Variants in NRXN3 observed in about 807,000 individuals in gnomAD.
The protein encoded by NRXN3 is neurexin 3, also known as neurexin III.
NRXN3 carries 32 observed loss-of-function variants against 137.6 expected under a neutral mutation model. The ratio of observed to expected loss-of-function variants is 0.23; its 90% CI spans 0.18 to 0.31. The LOEUF (loss-of-function observed/expected upper bound fraction) is 0.31. Ranked by LOEUF, NRXN3 falls within the 10% of genes least tolerant of loss-of-function variation. The pLI is 1.00. For missense variants in NRXN3, 1,574 were observed against 2,062.5 expected (o/e 0.76, Z 4.59); for synonymous variants, 798 against 784.5 (o/e 1.02, Z -0.29).
Position 78,177,081 on chromosome 14 carries a change from C to A in NRXN3, c.-704+6407C>A, listed in dbSNP as rs141400382. Among the ~76,000 whole-genome samples, 504 of 152,258 alleles carry A rather than the reference C, an allele frequency of 3.3e-3. 3 individuals carry two copies. The highest frequency in any genetic ancestry group is 0.012 in the African/African-American group (479 of 41,534). On this transcript the variant is annotated intron_variant, in intron 1 of 20. Coordinates refer to ENST00000335750, the MANE Select transcript of NRXN3 (RefSeq NM_001330195.2). ...CATATAGCCCTGCCCGTCAAGGGTACTTTCAGGTCCAGCAGAGGCTCCATT... is the reference window on the plus strand; with the variant it reads ...CATATAGCCCTGCCCGTCAAGGGTAATTTCAGGTCCAGCAGAGGCTCCATT...
At position 78,178,985 on chromosome 14, in the gene NRXN3, T is replaced by C. The variant is rs566455377; in HGVS notation, c.-704+8311T>C. On this transcript the variant is annotated intron_variant, in intron 1 of 20. Coordinates refer to ENST00000335750, the MANE Select transcript of NRXN3 (RefSeq NM_001330195.2). ...CATCCTTATCAGCCACCTCTAGGCC[T>C]GCCTCTACCCCACACCCACAGGGGA... Among the ~76,000 whole-genome samples, 5 of 152,272 alleles carry C rather than the reference T, an allele frequency of 3.3e-5. No individual in the cohort carries two copies. In the South Asian group the frequency reaches 1.0e-3, roughly 32 times the overall value.
At chr14:79,367,739 A>G (rs1193923967) in intron 15 of NRXN3, among the ~76,000 whole-genome samples, 3 of 152,220 alleles carry the variant, frequency 2.0e-5, no homozygotes, top group Non-Finnish European at 2.9e-5. Context: ...GAATCAGTTA[A>G]ACTTTATAAC....
intron 15 of NRXN3, among the ~76,000 whole-genome samples, chr14:79,053,592 G>A (rs2099645391): frequency 6.6e-6 from 1 of 150,464 alleles, no homozygotes; most frequent in South Asian, 2.1e-4. Context: ...TTGTATGTGA[G>A]TATTGTGCGT....
intron 8 of NRXN3, among the ~76,000 whole-genome samples, chr14:78,736,675 A>T (rs893636390): frequency 6.6e-6 from 1 of 152,220 alleles, no homozygotes; most frequent in East Asian, 1.9e-4. Flanking sequence ...ACTTATTATT[A>T]TGAAGTGCCT....
intron 3 of NRXN3, among the ~76,000 whole-genome samples, chr14:78,279,071 G>A (rs543264938): frequency 2.0e-5 from 3 of 152,324 alleles, no homozygotes; most frequent in Admixed American, 6.5e-5. Context: ...ACGTAGCATG[G>A]AAAATGTGAT....
intron 16 of NRXN3, among the ~76,000 whole-genome samples, chr14:79,625,873 G>T (rs370965235): frequency 6.6e-6 from 1 of 152,150 alleles, no homozygotes; most frequent in Non-Finnish European, 1.5e-5. Context: ...GACTTGGGCC[G>T]GCAACTGAGC....
At chr14:79,412,845 T>C (rs542632644) in intron 15 of NRXN3, among the ~76,000 whole-genome samples, 24 of 148,924 alleles carry the variant, frequency 1.6e-4, no homozygotes, top group Admixed American at 6.7e-4. Context: ...ACATTTTCAT[T>C]AGTTAAAATA....
intron 19 of NRXN3, among the ~76,000 whole-genome samples, chr14:79,797,751 T>C (rs1245992679): frequency 3.9e-5 from 6 of 152,064 alleles, no homozygotes; most frequent in Admixed American, 3.3e-4. Context: ...GATAATGGCT[T>C]CTAACAAGCT....
intron 8 of NRXN3, among the ~76,000 whole-genome samples, chr14:78,796,342 C>A (rs1414494250): frequency 6.6e-6 from 1 of 152,176 alleles, no homozygotes; most frequent in Admixed American, 6.5e-5. Context: ...GCTATTTGTG[C>A]AACCAACTGG....
chr14:78,795,584 A>C (rs111312115), intron 8 of NRXN3, among the ~76,000 whole-genome samples: 8 of 152,142 alleles, frequency 5.3e-5, no homozygotes, highest in African/African-American at 1.7e-4. Context: ...AATAAAATTA[A>C]TTATATCCTC....
intron 10 of NRXN3, among the ~76,000 whole-genome samples, chr14:78,813,501 C>A (rs1393319242): frequency 1.3e-5 from 2 of 152,094 alleles, no homozygotes; most frequent in Non-Finnish European, 2.9e-5. Flanking sequence ...GCTTAATTTT[C>A]AAAACAGAGC....
At chr14:78,952,086 A>G (rs932074589) in intron 10 of NRXN3, among the ~76,000 whole-genome samples, 4 of 152,164 alleles carry the variant, frequency 2.6e-5, no homozygotes, top group Non-Finnish European at 5.9e-5. Context: ...TCTCTGTAGA[A>G]GACTTCAAGA....
chr14:79,841,942 G>A (rs1001123912), intron 20 of NRXN3, among the ~76,000 whole-genome samples: 6 of 152,232 alleles, frequency 3.9e-5, no homozygotes, highest in African/African-American at 7.2e-5. Context: ...AAACAGAATT[G>A]TGAATGCAAT....
intron 11 of NRXN3, among the ~76,000 whole-genome samples, chr14:78,964,748 T>TG (rs2099414297): frequency 6.6e-6 from 1 of 152,166 alleles, no homozygotes; most frequent in Non-Finnish European, 1.5e-5. Context: ...ACATTAATGA[T>TG]GTTTTTCTTT....
At chr14:78,248,439 T>TA (rs2068074253) in intron 2 of NRXN3, among the ~76,000 whole-genome samples, 1 of 151,750 alleles carries the variant, frequency 6.6e-6, no homozygotes, top group Non-Finnish European at 1.5e-5. Flanking sequence ...TTTTTTTTTT[T>TA]ATTGAGAATT....
chr14:78,983,272 G>A (rs1443757429), intron 14 of NRXN3, among the ~76,000 whole-genome samples: 1 of 152,216 alleles, frequency 6.6e-6, no homozygotes, highest in Non-Finnish European at 1.5e-5. Context: ...ATTACCATAT[G>A]ATTCAGCAAT....
At chr14:79,521,557 A>G (rs2097065084) in intron 16 of NRXN3, among the ~76,000 whole-genome samples, 1 of 152,166 alleles carries the variant, frequency 6.6e-6, no homozygotes, top group African/African-American at 2.4e-5. Flanking sequence ...GCAGTGAATC[A>G]TCTTTCTTAA....
At chr14:79,187,170 T>C (rs2063642067) in intron 15 of NRXN3, among the ~76,000 whole-genome samples, 2 of 152,194 alleles carry the variant, frequency 1.3e-5, no homozygotes, top group African/African-American at 2.4e-5. Context: ...TACAGATAAA[T>C]TCTTTTTGAA....
At chr14:79,019,795 A>G (rs2099585650) in intron 15 of NRXN3, among the ~76,000 whole-genome samples, 1 of 152,112 alleles carries the variant, frequency 6.6e-6, no homozygotes, top group African/African-American at 2.4e-5. Context: ...GAGCAAGACC[A>G]ATGACAGTGG....
Sources: allele counts gnomAD v4.1 joint callset (sites outside exome capture counted in the v4.1 genomes callset), GRCh38; gene constraint gnomAD v4.1.1; transcripts MANE v1.5; gene names NCBI Gene and HGNC (gene_info 2026-07-23, HGNC 2026-07-21).